Variants in SREBF2 observed in about 807,000 individuals in gnomAD.
SREBF2 encodes the protein sterol regulatory element-binding protein 2.
SREBF2 carries 55 observed loss-of-function variants against 113.1 expected under a neutral mutation model. The observed-to-expected ratio is 0.49, with a 90% CI of 0.39 to 0.61. The LOEUF (loss-of-function observed/expected upper bound fraction) is 0.61. Among genes scored for constraint, SREBF2 ranks in the 20% least tolerant of loss-of-function variants. The probability of loss-of-function intolerance (pLI) is 0.00; values close to 1 mark genes in which losing one functional copy is unlikely to be tolerated. For missense variants in SREBF2, 1,349 were observed against 1,487.4 expected (o/e 0.91, Z 1.53); for synonymous variants, 593 against 605.7 (o/e 0.98, Z 0.31).
rs2077110521 is a variant in SREBF2 at position 41,868,702 on chromosome 22, G to A, written c.630G>A (p.Arg210=). The change falls in exon 3 of 19, where the codon CGG becomes CGA. Residue 210 remains arginine, a synonymous_variant. Transcript: ENST00000361204. ...AGGTGCAGACAGTACAGGCCCAGCG[G>A]GTGCTGACACAAACGGCCAATGGCA... ...QQQVQTVQAQ[R]VLTQTANGTL... 6.2e-7 allele frequency: 1 copy of A among 1,614,118 alleles called. No individual in the cohort carries two copies. The highest frequency in any genetic ancestry group is 8.5e-7 in the Non-Finnish European group (1 of 1,180,062).
chr22:41,848,732 G>A lies in SREBF2; in HGVS notation c.88+15374G>A, dbSNP rs1018062206. 1.3e-5 allele frequency among the ~76,000 whole-genome samples: 2 copies of A among 152,104 alleles called. 1 individual carries two copies. The highest frequency in any genetic ancestry group is 4.2e-4 in the South Asian group (2 of 4,818). On this transcript the variant is annotated intron_variant, in intron 1 of 18. Transcript: ENST00000361204. ...AGGCTCCTATCTCTGTCTGCTACTC[G>A]CTCCCCACCTGCCTGAGATGGTGTG... is the stretch of plus-strand genomic sequence containing the variant.
chr22:41,874,062 C>G (rs1391968466), intron 5 of SREBF2, 43 bp downstream of exon 5: 1 of 1,607,712 alleles, frequency 6.2e-7, no homozygotes, highest in Non-Finnish European at 8.5e-7. Context: ...CACCATCTCC[C>G]CTCTACCTGT....
chr22:41,834,189 A>T (rs2076746823), intron 1 of SREBF2, among the ~76,000 whole-genome samples: 1 of 152,196 alleles, frequency 6.6e-6, no homozygotes, highest in Non-Finnish European at 1.5e-5. Context: ...CCAGCTGGTT[A>T]GAGCCTAGTT....
intron 9 of SREBF2, among the ~76,000 whole-genome samples, 173 bp from the exon 10 acceptor site, chr22:41,880,543 T>A (rs983205617): frequency 6.6e-6 from 1 of 151,816 alleles, no homozygotes; most frequent in Non-Finnish European, 1.5e-5. Flanking sequence ...TCCTGGGGGA[T>A]GAGATTATAG....
In SREBF2 at chr22:41,894,837, G is replaced by A; in HGVS notation, c.2395G>A (p.Val799Ile). Residue 799 changes from valine to isoleucine, a missense_variant, in exon 13 of 19, where the codon GTC (valine) becomes ATC (isoleucine). Physicochemically the swap from Val to Ile is conservative, Grantham distance 29 (BLOSUM62 3). Around this residue, in one of 2 missense-constraint regions of SREBF2, gnomAD observed 650 missense variants for 644.1 expected, o/e 1.01. Transcript: ENST00000361204. ...QRNPADPIAQ[V>I]HQAFCKNLLE... ...TTTTCCAGCTGACCCCATTGCGCAG[G>A]TCCACCAGGCCTTCTGCAAGAACCT... 1.2e-6 allele frequency: 2 copies of A among 1,614,104 alleles called. No homozygotes were observed. The highest frequency in any genetic ancestry group is 1.7e-6 in the Non-Finnish European group (2 of 1,180,004).
At chr22:41,880,225 T>A (rs2077232123) in intron 9 of SREBF2, among the ~76,000 whole-genome samples, 1 of 151,956 alleles carries the variant, frequency 6.6e-6, no homozygotes, top group Non-Finnish European at 1.5e-5. Context: ...GATCATGCAG[T>A]TCATCTAAAT....
At chr22:41,845,397 C>T (rs1602270652) in intron 1 of SREBF2, among the ~76,000 whole-genome samples, 1 of 152,158 alleles carries the variant, frequency 6.6e-6, no homozygotes, top group African/African-American at 2.4e-5. Context: ...GTGGGAGATG[C>T]CTTGATTCAG....
In SREBF2 at chr22:41,899,604, C is replaced by T. The variant is rs559205585; in HGVS notation, c.2739-726C>T. On this transcript the variant is annotated intron_variant, in intron 15 of 18. Coordinates refer to ENST00000361204, the MANE Select transcript of SREBF2 (RefSeq NM_004599.4). Reference sequence around the variant, plus strand: ...TTTGTTCCCTGAAGTAGATGTGACACCCTAATTTCATTGAAGTAGCCCCAT... The same window carrying T: ...TTTGTTCCCTGAAGTAGATGTGACATCCTAATTTCATTGAAGTAGCCCCAT... The T allele has an allele frequency of 3.0e-6, 3 of 986,714 alleles. No individual in the cohort carries two copies. The African/African-American group carries it at 5.2e-5, about 17-fold the overall frequency. 61.1% of individuals were successfully genotyped at this position (986,714 alleles called of 1,614,324 possible).
At chr22:41,878,181 A>G in intron 9 of SREBF2, 58 bp downstream of exon 9, 1 of 1,604,026 alleles carries the variant, frequency 6.2e-7, no homozygotes, top group Non-Finnish European at 8.5e-7. Context: ...TAATTCAGCA[A>G]CTCGTGTCAA....
chr22:41,884,001 CCT>C (rs975027850), intron 10 of SREBF2, among the ~76,000 whole-genome samples: 2 of 152,208 alleles, frequency 1.3e-5, no homozygotes, highest in African/African-American at 4.8e-5. Flanking sequence ...CCACTGTGCA[CCT>C]CTCATAGGGG....
At chr22:41,888,188 T>A (rs2077317009) in intron 11 of SREBF2, among the ~76,000 whole-genome samples, 1 of 152,234 alleles carries the variant, frequency 6.6e-6, no homozygotes, top group Non-Finnish European at 1.5e-5. Flanking sequence ...ACATTTTAAG[T>A]CCTGTTCAAT....
chr22:41,899,531 C>T (rs1051287181), intron 15 of SREBF2: 3 of 991,568 alleles, frequency 3.0e-6, no homozygotes, highest in Non-Finnish European at 3.6e-6. Context: ...CCTTAACCGG[C>T]GCACAGGAAG....
Position 41,904,914 on chromosome 22 carries a change from C to G in SREBF2, c.3145C>G (p.Arg1049Gly), listed in dbSNP as rs1004518589. ...VRLMAGASPT[R>G]THQLLEHSLR... ...CCTGATGGCAGGAGCCAGCCCCACC[C>G]GCACCCACCAGCTGCTGGAACACAG... is the stretch of plus-strand genomic sequence containing the variant. The change falls in exon 18 of 19, where the codon CGC becomes GGC. Residue 1049 changes from arginine (R) to glycine (G), a missense_variant. Arg to Gly is a moderately radical substitution (Grantham distance 125). Coordinates refer to ENST00000361204, the MANE Select transcript of SREBF2 (RefSeq NM_004599.4). The G allele has an allele frequency of 6.2e-7, 1 of 1,605,842 alleles. No homozygotes were observed.
intron 16 of SREBF2, among the ~76,000 whole-genome samples, chr22:41,901,939 G>A (rs1602351466): frequency 6.6e-6 from 1 of 152,214 alleles, no homozygotes; most frequent in African/African-American, 2.4e-5. Flanking sequence ...TCCAGACATA[G>A]GCCTGCTGCC....
intron 1 of SREBF2, among the ~76,000 whole-genome samples, chr22:41,865,074 C>T (rs1381776234): frequency 6.6e-6 from 1 of 152,130 alleles, no homozygotes; most frequent in Non-Finnish European, 1.5e-5. Flanking sequence ...CCACCACAAC[C>T]GGTCTCAGCA....
chr22:41,852,697 T>G (rs2076942500), intron 1 of SREBF2, among the ~76,000 whole-genome samples: 2 of 151,686 alleles, frequency 1.3e-5, no homozygotes, highest in Non-Finnish European at 1.5e-5. Context: ...GACTGACTTT[T>G]TATTCCAGCC....
rs375131126 is a variant in SREBF2 at position 41,854,798 on chromosome 22, G to T, written c.89-12033G>T. ...GCTTGAGAATTGCTTGAACGTGGGA[G>T]GCGGAGGTGGAGCCAGAGGCTGCAG... On this transcript the variant is annotated intron_variant, in intron 1 of 18. Transcript: ENST00000361204. 2.5e-4 allele frequency among the ~76,000 whole-genome samples: 38 copies of T among 152,040 alleles called. No homozygotes were observed. The East Asian group carries it at 7.2e-3, about 29-fold the overall frequency.
Position 41,905,435 on chromosome 22 carries a change from C to T in SREBF2, c.3206-5C>T. 1 of 1,567,712 alleles carries T rather than the reference C, an allele frequency of 6.4e-7. No homozygotes were observed. ...TCGGTTGTGACACACATCTCCTTCC[C>T]ACAGGAGAGGTGGATGCCTGGCCCG... On this transcript the variant is annotated splice_region_variant and splice_polypyrimidine_tract_variant and intron_variant, in intron 18 of 18. Transcript: ENST00000361204.
At position 41,873,781 on chromosome 22, in the gene SREBF2, A is replaced by T; in HGVS notation, c.868-17A>T. On this transcript the variant is annotated splice_polypyrimidine_tract_variant and intron_variant, in intron 4 of 18. Coordinates refer to ENST00000361204, the MANE Select transcript of SREBF2 (RefSeq NM_004599.4). ...TAACAAAGGGATCATTCTGCTGTGT[A>T]CCTGTCCCTATTCTAGACCCTGGTG... is the stretch of plus-strand genomic sequence containing the variant. 1.9e-6 allele frequency: 3 copies of T among 1,587,228 alleles called. No homozygotes were observed. The highest frequency in any genetic ancestry group is 2.6e-6 in the Non-Finnish European group (3 of 1,165,738).
Sources: allele counts gnomAD v4.1 joint callset (sites outside exome capture counted in the v4.1 genomes callset), GRCh38; gene constraint gnomAD v4.1.1; regional missense constraint gnomAD v4.1.1; transcripts MANE v1.5; gene names NCBI Gene and HGNC (gene_info 2026-07-23, HGNC 2026-07-21).